The following MNAT1 variants were observed in gnomAD, a reference collection of about 807,000 sequenced individuals.
The protein encoded by MNAT1 is CDK-activating kinase assembly factor MAT1.
MNAT1 carries 43 observed loss-of-function variants against 42.0 expected under a neutral mutation model. The ratio of observed to expected loss-of-function variants is 1.02; its 90% confidence interval spans 0.80 to 1.32. The LOEUF is 1.32. Ranked by LOEUF, MNAT1 falls within the 40% of genes most tolerant of loss-of-function variation. The pLI, the probability that MNAT1 is intolerant of heterozygous loss-of-function variation, is 0.00. For missense variants in MNAT1, 306 were observed against 350.4 expected, an observed-to-expected ratio of 0.87 and a Z score of 1.01; for synonymous variants, 118 against 120.0, an observed-to-expected ratio of 0.98 and a Z score of 0.11.
chr14:60,735,183 A>G (rs550830416), intron 1 of MNAT1, among the ~76,000 whole-genome samples: 2 of 152,308 alleles, frequency 1.3e-5, no homozygotes, highest in Admixed American at 1.3e-4. Context: ...GCAGTTTGTC[A>G]GGTTCCCCCT....
In MNAT1 at chr14:60,903,194, T is replaced by G. The variant is rs139329469; in HGVS notation, c.809+23359T>G. On this transcript the variant is annotated intron_variant, in intron 7 of 7. Coordinates refer to ENST00000261245, the MANE Select transcript of MNAT1 (RefSeq NM_002431.4). ...CACAATGAAGGAATTGCATCATGAATATATATTAAATCTTCGTCTTCACAT... is the reference window on the plus strand; with the variant it reads ...CACAATGAAGGAATTGCATCATGAAGATATATTAAATCTTCGTCTTCACAT... 1.8e-4 allele frequency among the ~76,000 whole-genome samples: 28 copies of G among 152,190 alleles called. 1 individual carries two copies. In the East Asian group the frequency reaches 5.0e-3, roughly 27 times the overall value.
At chr14:60,889,967 A>T (rs927852785) in intron 7 of MNAT1, among the ~76,000 whole-genome samples, 5 of 152,230 alleles carry the variant, frequency 3.3e-5, no homozygotes, top group Non-Finnish European at 7.3e-5. Flanking sequence ...GCTGGAGAGG[A>T]TGTGGAGAAA....
At chr14:60,800,492 G>A (rs770807700) in intron 3 of MNAT1, among the ~76,000 whole-genome samples, 1 of 152,006 alleles carries the variant, frequency 6.6e-6, no homozygotes, top group Non-Finnish European at 1.5e-5. Flanking sequence ...GTGAACCATG[G>A]TTGCGCCACT....
At chr14:60,791,357 G>T (rs576447703) in intron 1 of MNAT1, among the ~76,000 whole-genome samples, 22 of 152,134 alleles carry the variant, frequency 1.4e-4, no homozygotes, top group African/African-American at 5.3e-4. Context: ...TTTAATACCT[G>T]CTCCCAGGCC....
At chr14:60,957,109 T>C (rs913149410) in intron 7 of MNAT1, among the ~76,000 whole-genome samples, 1 of 152,208 alleles carries the variant, frequency 6.6e-6, no homozygotes, top group Non-Finnish European at 1.5e-5. Flanking sequence ...ATTTGATGAT[T>C]TTCTGTAGTG....
intron 7 of MNAT1, among the ~76,000 whole-genome samples, chr14:60,904,358 G>A (rs1260649759): frequency 6.6e-6 from 1 of 152,050 alleles, no homozygotes; most frequent in African/African-American, 2.4e-5. Context: ...ACAGCAAAAT[G>A]TCTTTAGTAT....
At chr14:60,885,924 T>C (rs1446629666) in intron 7 of MNAT1, among the ~76,000 whole-genome samples, 1 of 152,074 alleles carries the variant, frequency 6.6e-6, no homozygotes, top group Non-Finnish European at 1.5e-5. Flanking sequence ...TTAGTCCATT[T>C]TGAGTTGATG....
intron 7 of MNAT1, among the ~76,000 whole-genome samples, chr14:60,907,608 C>G (rs2035230598): frequency 6.6e-6 from 1 of 151,358 alleles, no homozygotes; most frequent in African/African-American, 2.4e-5. Context: ...TGGAAAAACC[C>G]TGTCTCTATT....
At chr14:60,805,384 A>C (rs1355969635) in intron 3 of MNAT1, among the ~76,000 whole-genome samples, 1 of 152,196 alleles carries the variant, frequency 6.6e-6, no homozygotes, top group Non-Finnish European at 1.5e-5. Flanking sequence ...ACATTGTTAC[A>C]ATCAATGAAC....
Position 60,926,927 on chromosome 14 carries a change from G to C in MNAT1, c.810-41302G>C, listed in dbSNP as rs1594881048. ...TAAGATTTGCTTCCTTCAAACAAAA[G>C]ATGCTCCTATTACCCAGGAAATTCT... is the stretch of plus-strand genomic sequence containing the variant. On this transcript the variant is annotated intron_variant, in intron 7 of 7. Coordinates refer to ENST00000261245, the MANE Select transcript of MNAT1 (RefSeq NM_002431.4). Among the ~76,000 whole-genome samples the C allele has an allele frequency of 2.0e-5, 3 of 152,098 alleles. No individual in the cohort carries two copies. In the South Asian group the frequency reaches 6.2e-4, roughly 32 times the overall value.
chr14:60,839,055 T>A (rs1416225694), intron 6 of MNAT1, among the ~76,000 whole-genome samples: 1 of 151,832 alleles, frequency 6.6e-6, no homozygotes. Flanking sequence ...GACAACATGA[T>A]TGATTGTGGC....
chr14:60,862,527 A>G (rs537385503), intron 6 of MNAT1, among the ~76,000 whole-genome samples: 2 of 152,332 alleles, frequency 1.3e-5, no homozygotes, highest in East Asian at 1.9e-4. Flanking sequence ...AACAGGTTCA[A>G]CTTGTCCGTG....
chr14:60,944,672 A>G (rs1230820187), intron 7 of MNAT1, among the ~76,000 whole-genome samples: 2 of 152,236 alleles, frequency 1.3e-5, no homozygotes, highest in Non-Finnish European at 2.9e-5. Flanking sequence ...CAGGGTTGTT[A>G]TAAATTATCA....
intron 6 of MNAT1, among the ~76,000 whole-genome samples, chr14:60,866,757 A>C (rs1345002416): frequency 6.6e-6 from 1 of 152,052 alleles, no homozygotes; most frequent in Non-Finnish European, 1.5e-5. Flanking sequence ...TTTAGTTGTA[A>C]TTATATATTA....
At chr14:60,909,505 G>T (rs2035295570) in intron 7 of MNAT1, among the ~76,000 whole-genome samples, 1 of 152,148 alleles carries the variant, frequency 6.6e-6, no homozygotes, top group Admixed American at 6.5e-5. Context: ...TTTGTATAAG[G>T]TGTAAGGAAG....
intron 7 of MNAT1, among the ~76,000 whole-genome samples, chr14:60,944,813 T>C (rs1259717509): frequency 6.6e-6 from 1 of 152,218 alleles, no homozygotes; most frequent in Non-Finnish European, 1.5e-5. Context: ...GGAGAAATTA[T>C]CTCTGGTTTT....
chr14:60,861,725 G>A (rs1233015223), intron 6 of MNAT1, among the ~76,000 whole-genome samples: 2 of 152,182 alleles, frequency 1.3e-5, no homozygotes, highest in Non-Finnish European at 2.9e-5. Context: ...GTTTGAACCT[G>A]ACTTTCAGGA....
At chr14:60,759,663 T>C (rs2030513252) in intron 1 of MNAT1, among the ~76,000 whole-genome samples, 1 of 152,194 alleles carries the variant, frequency 6.6e-6, no homozygotes, top group Non-Finnish European at 1.5e-5. Context: ...AAAGGAGACT[T>C]TTCCTGTTGT....
chr14:60,794,672 T>A (rs1214314827), intron 1 of MNAT1, among the ~76,000 whole-genome samples: 1 of 141,322 alleles, frequency 7.1e-6, no homozygotes, highest in African/African-American at 2.6e-5. Context: ...TATATATATA[T>A]ATATATAAAA....
Sources: gnomAD v4.1 joint callset for allele counts (sites outside exome capture counted in the v4.1 genomes callset) on GRCh38, gnomAD v4.1.1 for gene constraint, MANE v1.5 for transcripts, NCBI Gene and HGNC (gene_info 2026-07-23, HGNC 2026-07-21) for gene names.